The following SIN3A variants were observed in gnomAD, a reference collection of about 807,000 sequenced individuals.
The protein encoded by SIN3A is paired amphipathic helix protein Sin3a.
A neutral mutation model predicts 146.1 loss-of-function variants in SIN3A; 14 were observed. That is an observed-to-expected ratio of 0.10 (90% CI 0.06 to 0.15). The LOEUF is 0.15. Among genes scored for constraint, SIN3A ranks in the 10% least tolerant of loss-of-function variants. SIN3A has a pLI of 1.00. For missense variants in SIN3A, 1,028 were observed against 1,576.0 expected (o/e 0.65, Z 5.89); for synonymous variants, 572 against 572.0 (o/e 1.00, Z 0.00).
intron 2 of SIN3A, among the ~76,000 whole-genome samples, chr15:75,423,276 T>TA (rs540159663): frequency 2.8e-3 from 417 of 149,848 alleles, no homozygotes; most frequent in Admixed American, 4.0e-3. Flanking sequence ...AGACCGTCTC[T>TA]AAAAAAAAAG....
At chr15:75,399,926 A>G (rs1045680409) in intron 12 of SIN3A, 114 bp downstream of exon 12, 2 of 693,414 alleles carry the variant, frequency 2.9e-6, no homozygotes, top group Non-Finnish European at 5.2e-6. Flanking sequence ...CACTTACCAT[A>G]GAAGAATGTG....
At chr15:75,399,541 AAAAC>A (rs143263622) in intron 12 of SIN3A, among the ~76,000 whole-genome samples, 53,171 of 151,476 alleles carry the variant, frequency 0.35, 10,505 homozygotes, top group African/African-American at 0.54. Context: ...AAAACAAAAC[AAAAC>A]AAACAAACAA....
At chr15:75,396,066 T>TC (rs2141437712) in intron 13 of SIN3A, among the ~76,000 whole-genome samples, 192 bp downstream of exon 13, 1 of 152,252 alleles carries the variant, frequency 6.6e-6, no homozygotes, top group South Asian at 2.1e-4. Context: ...ACTTACAAGA[T>TC]TTGTTCTCTA....
chr15:75,395,077 TC>T (rs1312989920), intron 13 of SIN3A, among the ~76,000 whole-genome samples: 1 of 152,202 alleles, frequency 6.6e-6, no homozygotes, highest in Non-Finnish European at 1.5e-5. Context: ...ATGATTTATC[TC>T]AAAGTCAAAT....
chr15:75,447,239 T>C (rs921726176), intron 1 of SIN3A, among the ~76,000 whole-genome samples: 6 of 152,176 alleles, frequency 3.9e-5, no homozygotes, highest in Non-Finnish European at 5.9e-5. Flanking sequence ...ACAAGGAGAA[T>C]AGAATCCAAG....
intron 9 of SIN3A, among the ~76,000 whole-genome samples, chr15:75,405,683 G>A (rs558715041): frequency 1.4e-4 from 22 of 152,198 alleles, no homozygotes; most frequent in South Asian, 1.2e-3. Flanking sequence ...CCAGGGAGGC[G>A]GAGGTTGCAG....
intron 12 of SIN3A, among the ~76,000 whole-genome samples, chr15:75,399,356 G>A (rs542854261): frequency 2.0e-4 from 30 of 152,178 alleles, no homozygotes; most frequent in South Asian, 8.3e-4. Flanking sequence ...GTGAAACTCC[G>A]TCTCTAATAA....
chr15:75,396,157 T>A, intron 13 of SIN3A, 101 bp downstream of exon 13: 1 of 848,246 alleles, frequency 1.2e-6, no homozygotes, highest in South Asian at 1.7e-5. Context: ...GAAAGAGAGG[T>A]CTCATGGGAC....
chr15:75,404,259 A>G (rs915174427), intron 9 of SIN3A, among the ~76,000 whole-genome samples: 2 of 152,202 alleles, frequency 1.3e-5, no homozygotes, highest in Non-Finnish European at 2.9e-5. Flanking sequence ...TATACTGTAT[A>G]CCCTATTTAC....
intron 6 of SIN3A, 107 bp downstream of exon 6, chr15:75,411,385 G>C: frequency 8.3e-7 from 1 of 1,203,580 alleles, no homozygotes. Context: ...TTTCTAACTG[G>C]TTAATTTCCA....
chr15:75,449,423 T>C (rs558023801), intron 1 of SIN3A, among the ~76,000 whole-genome samples: 8 of 152,348 alleles, frequency 5.3e-5, no homozygotes, highest in Admixed American at 3.3e-4. Flanking sequence ...ATTGGTTCCA[T>C]GTTTATTTTT....
chr15:75,445,611 C>A (rs1164026391), intron 1 of SIN3A, among the ~76,000 whole-genome samples: 9 of 147,438 alleles, frequency 6.1e-5, no homozygotes, highest in Non-Finnish European at 1.0e-4. Context: ...GGTGTAGTGG[C>A]GCATGCCTGT....
chr15:75,414,614 T>C (rs1595909725), intron 3 of SIN3A, among the ~76,000 whole-genome samples: 2 of 152,314 alleles, frequency 1.3e-5, no homozygotes, highest in South Asian at 4.1e-4. Flanking sequence ...AACTGCAACA[T>C]ACCAGGCCCA....
intron 12 of SIN3A, among the ~76,000 whole-genome samples, chr15:75,397,929 C>T (rs1404989409): frequency 6.6e-6 from 1 of 152,220 alleles, no homozygotes; most frequent in Non-Finnish European, 1.5e-5. Context: ...AAGTTAACAT[C>T]TGTCTTGATT....
intron 1 of SIN3A, among the ~76,000 whole-genome samples, chr15:75,439,772 CCT>C (rs1215941846): frequency 6.6e-6 from 1 of 151,992 alleles, no homozygotes; most frequent in African/African-American, 2.4e-5. Context: ...TCCTTTCGTC[CCT>C]CTCTTAGGCT....
chr15:75,399,738 A>G (rs970214727), intron 12 of SIN3A, among the ~76,000 whole-genome samples: 1 of 152,242 alleles, frequency 6.6e-6, no homozygotes, highest in Non-Finnish European at 1.5e-5. Context: ...TTTCTTCACC[A>G]TGCAAAACAT....
In SIN3A at chr15:75,424,753, G is replaced by A. The variant is rs117267253; in HGVS notation, c.190-1930C>T. 8.5e-5 allele frequency among the ~76,000 whole-genome samples: 13 copies of A among 152,254 alleles called. No homozygotes were observed. In the East Asian group the frequency reaches 2.3e-3, roughly 27 times the overall value. ...CTCCCAAAGTGCTGGGGTTATAGAC[G>A]TAAGCCACTGTGCCCAGCCTGTAAC... On this transcript the variant is annotated intron_variant, in intron 2 of 20. Coordinates refer to ENST00000394947, the MANE Select transcript of SIN3A (RefSeq NM_001145358.2).
intron 15 of SIN3A, 138 bp downstream of exon 15, chr15:75,392,104 A>G (rs1011492975): frequency 6.3e-6 from 5 of 788,102 alleles, no homozygotes; most frequent in African/African-American, 3.5e-5. Flanking sequence ...CATTTTTCAG[A>G]TAAACAGGTT....
At chr15:75,418,160 T>G (rs2073775870) in intron 3 of SIN3A, among the ~76,000 whole-genome samples, 1 of 151,746 alleles carries the variant, frequency 6.6e-6, no homozygotes. Flanking sequence ...GCCTCTTGAG[T>G]AACTGGGATT....
Sources: allele counts gnomAD v4.1 joint callset (sites outside exome capture counted in the v4.1 genomes callset), GRCh38; gene constraint gnomAD v4.1.1; transcripts MANE v1.5; gene names NCBI Gene and HGNC (gene_info 2026-07-23, HGNC 2026-07-21).